Variants in ROBO1 observed in about 807,000 individuals in gnomAD.
ROBO1 encodes roundabout guidance receptor 1.
A neutral mutation model predicts 195.9 loss-of-function variants in ROBO1; 149 were observed. The observed-to-expected ratio is 0.76, with a 90% CI of 0.67 to 0.87. The LOEUF (loss-of-function observed/expected upper bound fraction) is 0.87, where lower values mean the gene tolerates loss of function less well. Ranked by LOEUF, ROBO1 falls within the 40% of genes least tolerant of loss-of-function variation. ROBO1 has a pLI of 0.00. For missense variants in ROBO1, 1,933 were observed against 2,068.3 expected (o/e 0.93, Z 1.27); for synonymous variants, 816 against 733.2 (o/e 1.11, Z -1.82).
chr3:78,718,797 AGG>A lies in ROBO1; in HGVS notation c.658-916_658-915del, dbSNP rs1576012476. 2.3e-5 allele frequency among the ~76,000 whole-genome samples: 3 copies of A among 130,572 alleles called. No homozygotes were observed. The East Asian group carries it at 7.9e-4, about 34-fold the overall frequency. 85.7% of individuals were successfully genotyped at this position (130,572 alleles called of 152,430 possible). ...AGATAAAGGAAGAAGGAAGGAAGGA[AGG>A]AAGGAAGGGAGGGAGGGAGAGAGGG... On this transcript the variant is annotated intron_variant, in intron 5 of 30. Coordinates refer to ENST00000464233, the MANE Select transcript of ROBO1 (RefSeq NM_002941.4).
chr3:79,642,320 A>C (rs1389512833), intron 1 of ROBO1, among the ~76,000 whole-genome samples: 1 of 152,136 alleles, frequency 6.6e-6, no homozygotes, highest in Non-Finnish European at 1.5e-5. Flanking sequence ...TTAGTATTCA[A>C]GGGGGACTTC....
chr3:79,742,830 CT>C (rs1703706986), intron 1 of ROBO1, among the ~76,000 whole-genome samples: 1 of 152,110 alleles, frequency 6.6e-6, no homozygotes, highest in African/African-American at 2.4e-5. Context: ...AGCAAAGAGG[CT>C]TGGTGAAATG....
At chr3:79,158,026 G>A (rs1318871484) in intron 2 of ROBO1, among the ~76,000 whole-genome samples, 1 of 151,794 alleles carries the variant, frequency 6.6e-6, no homozygotes, top group African/African-American at 2.4e-5. Flanking sequence ...TTATATGTAA[G>A]TATTATGGTG....
At chr3:78,941,002 G>T (rs929866354) in intron 3 of ROBO1, among the ~76,000 whole-genome samples, 2 of 152,098 alleles carry the variant, frequency 1.3e-5, no homozygotes, top group Non-Finnish European at 2.9e-5. Context: ...TAACTAATAC[G>T]TATACATTCA....
At chr3:79,700,406 G>T (rs9878717) in intron 1 of ROBO1, among the ~76,000 whole-genome samples, 43,067 of 150,738 alleles carry the variant, frequency 0.29, 7,171 homozygotes, top group African/African-American at 0.47. Context: ...GGGATTGCTG[G>T]GTCAAATGAT....
intron 2 of ROBO1, among the ~76,000 whole-genome samples, chr3:79,204,076 G>A (rs1046250452): frequency 1.3e-5 from 2 of 152,030 alleles, no homozygotes; most frequent in Admixed American, 6.6e-5. Flanking sequence ...CTGTGTTTTA[G>A]AACTCTTGTA....
intron 2 of ROBO1, among the ~76,000 whole-genome samples, chr3:79,342,991 A>G (rs867876091): frequency 2.9e-4 from 44 of 151,918 alleles, no homozygotes; most frequent in African/African-American, 1.0e-3. Flanking sequence ...AATCATCCGG[A>G]CTCCACCTAT....
intron 3 of ROBO1, among the ~76,000 whole-genome samples, chr3:79,017,530 G>A (rs890120008): frequency 1.3e-5 from 2 of 150,098 alleles, no homozygotes; most frequent in African/African-American, 4.9e-5. Context: ...ATTGAAACCA[G>A]AATCTACCAA....
intron 21 of ROBO1, among the ~76,000 whole-genome samples, 176 bp downstream of exon 21, chr3:78,645,972 C>A (rs1706256210): frequency 6.6e-6 from 1 of 152,074 alleles, no homozygotes; most frequent in African/African-American, 2.4e-5. Flanking sequence ...CAATCAACTA[C>A]ATTTGTGTGT....
At chr3:79,201,456 A>C (rs1289306907) in intron 2 of ROBO1, among the ~76,000 whole-genome samples, 2 of 152,014 alleles carry the variant, frequency 1.3e-5, no homozygotes, top group Non-Finnish European at 2.9e-5. Context: ...TTTAGTCCTC[A>C]CAACAATTCT....
At position 79,580,935 on chromosome 3, in the gene ROBO1, G is replaced by A. The variant is rs977532341; in HGVS notation, c.88+8889C>T. On this transcript the variant is annotated intron_variant, in intron 2 of 30. Coordinates refer to ENST00000464233, the MANE Select transcript of ROBO1 (RefSeq NM_002941.4). Reference sequence around the variant, plus strand: ...GAATTATTGATTCAGCAATGGAAACGTTTTCCAAAGCAATTCTTCCACGTG... The same window carrying A: ...GAATTATTGATTCAGCAATGGAAACATTTTCCAAAGCAATTCTTCCACGTG... 9.2e-5 allele frequency among the ~76,000 whole-genome samples: 14 copies of A among 152,078 alleles called. 1 individual carries two copies. Among genetic ancestry groups the A allele is most frequent in the South Asian group, 4.1e-4 (2 of 4,834 alleles).
chr3:79,741,392 C>T (rs1447742601), intron 1 of ROBO1, among the ~76,000 whole-genome samples: 2 of 148,424 alleles, frequency 1.3e-5, no homozygotes, highest in African/African-American at 4.9e-5. Context: ...TCAGATTTGA[C>T]TTTTTTTTTT....
At chr3:78,602,298 CTCTCTT>C (rs1213203153) in intron 29 of ROBO1, among the ~76,000 whole-genome samples, 1 of 152,084 alleles carries the variant, frequency 6.6e-6, no homozygotes, top group African/African-American at 2.4e-5. Flanking sequence ...CACTCTCTCT[CTCTCTT>C]GCTCCTGCTT....
At chr3:79,247,302 A>AACT (rs1358513539) in intron 2 of ROBO1, among the ~76,000 whole-genome samples, 1 of 149,880 alleles carries the variant, frequency 6.7e-6, no homozygotes, top group African/African-American at 2.5e-5. Flanking sequence ...AGACTGCAAC[A>AACT]ACTACTACTA....
intron 2 of ROBO1, among the ~76,000 whole-genome samples, chr3:79,572,654 C>T (rs1396706804): frequency 6.6e-6 from 1 of 151,852 alleles, no homozygotes; most frequent in Non-Finnish European, 1.5e-5. Flanking sequence ...TAGATTATAT[C>T]CTCAACTATG....
chr3:79,234,921 T>G (rs1043459563), intron 2 of ROBO1, among the ~76,000 whole-genome samples: 6 of 152,050 alleles, frequency 3.9e-5, no homozygotes, highest in African/African-American at 1.4e-4. Flanking sequence ...AACCTCAGAA[T>G]CATGCAATAT....
At chr3:78,701,286 T>C (rs2081414972) in intron 8 of ROBO1, among the ~76,000 whole-genome samples, 1 of 152,256 alleles carries the variant, frequency 6.6e-6, no homozygotes, top group Non-Finnish European at 1.5e-5. Context: ...TGCTTGTATA[T>C]GAGCAGTTCC....
chr3:79,434,883 A>T (rs1054322004), intron 2 of ROBO1, among the ~76,000 whole-genome samples: 1 of 152,228 alleles, frequency 6.6e-6, no homozygotes, highest in Non-Finnish European at 1.5e-5. Flanking sequence ...CTATGTAGCC[A>T]TAAAAAATGA....
At chr3:78,909,776 T>C (rs1480268556) in intron 4 of ROBO1, among the ~76,000 whole-genome samples, 1 of 151,496 alleles carries the variant, frequency 6.6e-6, no homozygotes, top group Admixed American at 6.6e-5. Flanking sequence ...GAAAAAAGTC[T>C]TTTTTTTACA....
Sources: allele counts gnomAD v4.1 joint callset (sites outside exome capture counted in the v4.1 genomes callset), GRCh38; gene constraint gnomAD v4.1.1; transcripts MANE v1.5; gene names NCBI Gene and HGNC (gene_info 2026-07-23, HGNC 2026-07-21).